DPYD: variants seen among roughly 807,000 people sequenced by gnomAD.
The protein encoded by DPYD is dihydropyrimidine dehydrogenase [NADP(+)].
In DPYD, 109 loss-of-function variants were observed where a neutral mutation model predicts 116.2. The observed-to-expected ratio is 0.94, with a 90% CI of 0.80 to 1.10. DPYD has a LOEUF of 1.10. Ranked by LOEUF, DPYD falls within the 50% of genes least tolerant of loss-of-function variation. DPYD has a pLI of 0.00. For missense variants in DPYD, 1,302 were observed against 1,254.5 expected, an observed-to-expected ratio of 1.04 and a Z score of -0.57; for synonymous variants, 440 against 432.0, an observed-to-expected ratio of 1.02 and a Z score of -0.23.
intron 19 of DPYD, among the ~76,000 whole-genome samples, chr1:97,211,308 C>T (rs565628231): frequency 2.3e-4 from 35 of 152,234 alleles, no homozygotes; most frequent in African/African-American, 4.3e-4. Flanking sequence ...GCTCTAGAGA[C>T]GACTCCCCAG....
intron 1 of DPYD, among the ~76,000 whole-genome samples, chr1:97,903,160 T>A (rs1673446316): frequency 6.6e-6 from 1 of 151,848 alleles, no homozygotes; most frequent in African/African-American, 2.4e-5. Flanking sequence ...AAGATTTAAG[T>A]AAGAAAAGGC....
chr1:97,791,894 A>T (rs1667337912), intron 3 of DPYD, among the ~76,000 whole-genome samples: 1 of 152,214 alleles, frequency 6.6e-6, no homozygotes, highest in African/African-American at 2.4e-5. Context: ...GGAAGTTAGT[A>T]ATGGGTAAAA....
chr1:97,379,857 G>A (rs1449122686), intron 15 of DPYD, among the ~76,000 whole-genome samples: 1 of 152,182 alleles, frequency 6.6e-6, no homozygotes, highest in Non-Finnish European at 1.5e-5. Flanking sequence ...AGTGATGAGA[G>A]AATGGGTGAT....
intron 8 of DPYD, among the ~76,000 whole-genome samples, chr1:97,647,976 A>G (rs1449684540): frequency 6.6e-6 from 1 of 151,990 alleles, no homozygotes; most frequent in Non-Finnish European, 1.5e-5. Context: ...TCCTGCTGCT[A>G]CTACCAAATC....
intron 4 of DPYD, among the ~76,000 whole-genome samples, chr1:97,728,513 C>T (rs1422766103): frequency 6.6e-6 from 1 of 151,940 alleles, no homozygotes; most frequent in African/African-American, 2.4e-5. Flanking sequence ...ACAAATAGTC[C>T]TATCATATTC....
intron 20 of DPYD, among the ~76,000 whole-genome samples, chr1:97,148,864 T>A (rs1654819255): frequency 1.3e-5 from 2 of 152,224 alleles, no homozygotes; most frequent in South Asian, 4.1e-4. Context: ...TCCTTTCTTG[T>A]ATTATAGCTA....
intron 19 of DPYD, among the ~76,000 whole-genome samples, chr1:97,216,226 C>T (rs1170414004): frequency 6.6e-6 from 1 of 152,084 alleles, no homozygotes; most frequent in Non-Finnish European, 1.5e-5. Flanking sequence ...TGAACTGTAA[C>T]TTTGATGCCA....
intron 18 of DPYD, among the ~76,000 whole-genome samples, chr1:97,291,222 C>G (rs1042729452): frequency 7.2e-5 from 11 of 152,244 alleles, no homozygotes; most frequent in African/African-American, 1.9e-4. Flanking sequence ...AATAAGAACA[C>G]TTTTACACTG....
intron 13 of DPYD, among the ~76,000 whole-genome samples, chr1:97,500,084 T>C (rs1029586962): frequency 4.6e-5 from 7 of 152,022 alleles, no homozygotes; most frequent in Non-Finnish European, 7.4e-5. Flanking sequence ...ATTTCAGCCA[T>C]AGGTGACTTA....
chr1:97,790,005 C>T lies in DPYD; in HGVS notation c.233+38109G>A, dbSNP rs923430400. Among the ~76,000 whole-genome samples, 4 of 152,164 alleles carry T rather than the reference C, an allele frequency of 2.6e-5. No individual in the cohort carries two copies. The East Asian group carries it at 5.8e-4, about 22-fold the overall frequency. On this transcript the variant is annotated intron_variant, in intron 3 of 22. Coordinates refer to ENST00000370192, the MANE Select transcript of DPYD (RefSeq NM_000110.4). ...ATCAAGTTAAAGAACAGAGAAAAAC[C>T]GCAAAGCATCACTTGAGGTATTTGT...
At chr1:97,171,709 T>A (rs548138205) in intron 20 of DPYD, among the ~76,000 whole-genome samples, 3 of 152,170 alleles carry the variant, frequency 2.0e-5, no homozygotes, top group Non-Finnish European at 4.4e-5. Flanking sequence ...ATAACAACCA[T>A]TGAAGGTTTT....
At chr1:97,758,891 T>C (rs746417211) in intron 3 of DPYD, among the ~76,000 whole-genome samples, 3 of 152,208 alleles carry the variant, frequency 2.0e-5, no homozygotes, top group Non-Finnish European at 2.9e-5. Flanking sequence ...GTTTATATCC[T>C]GTCCCTGCTA....
At chr1:97,626,893 A>G (rs1383230466) in intron 8 of DPYD, among the ~76,000 whole-genome samples, 1 of 152,022 alleles carries the variant, frequency 6.6e-6, no homozygotes, top group Non-Finnish European at 1.5e-5. Context: ...GCTTAAATAG[A>G]CTGAAATACC....
At chr1:97,490,755 C>T (rs927761214) in intron 13 of DPYD, among the ~76,000 whole-genome samples, 1 of 150,456 alleles carries the variant, frequency 6.6e-6, no homozygotes, top group Non-Finnish European at 1.5e-5. Context: ...AGGTGGAATT[C>T]CTCAACTTAA....
At chr1:97,671,486 T>C (rs750851028) in intron 8 of DPYD, among the ~76,000 whole-genome samples, 2 of 152,178 alleles carry the variant, frequency 1.3e-5, no homozygotes, top group Non-Finnish European at 2.9e-5. Flanking sequence ...CTAATGAATA[T>C]GTCTTTGCAT....
intron 13 of DPYD, among the ~76,000 whole-genome samples, chr1:97,466,577 T>C (rs997933542): frequency 1.3e-5 from 2 of 152,184 alleles, no homozygotes; most frequent in Non-Finnish European, 2.9e-5. Flanking sequence ...TAATTATCAT[T>C]TGTGCTTTTA....
chr1:97,344,939 A>G (rs937605065), intron 16 of DPYD, among the ~76,000 whole-genome samples: 19 of 151,914 alleles, frequency 1.3e-4, no homozygotes, highest in Admixed American at 4.6e-4. Context: ...TTCACTTTCC[A>G]CTAGTAAAAT....
intron 1 of DPYD, among the ~76,000 whole-genome samples, chr1:97,920,386 C>T (rs1571587490): frequency 1.3e-5 from 2 of 152,134 alleles, no homozygotes; most frequent in South Asian, 4.1e-4. Context: ...AATACTATGA[C>T]TAGAGGCGAC....
At chr1:97,378,065 C>T (rs1410954926) in intron 15 of DPYD, among the ~76,000 whole-genome samples, 1 of 152,166 alleles carries the variant, frequency 6.6e-6, no homozygotes, top group Non-Finnish European at 1.5e-5. Context: ...TTCCAAGTAG[C>T]AATGCTATCC....
Sources: allele counts gnomAD v4.1 joint callset (sites outside exome capture counted in the v4.1 genomes callset), GRCh38; gene constraint gnomAD v4.1.1; transcripts MANE v1.5; gene names NCBI Gene and HGNC (gene_info 2026-07-23, HGNC 2026-07-21).